MAGI2: variants seen among roughly 807,000 people sequenced by gnomAD.
MAGI2 encodes the protein membrane-associated guanylate kinase, WW and PDZ domain-containing protein 2.
In MAGI2, 35 loss-of-function variants were observed where a neutral mutation model predicts 133.3. That is an observed-to-expected ratio of 0.26 (90% CI 0.20 to 0.35). The LOEUF (loss-of-function observed/expected upper bound fraction) is 0.35. MAGI2 is among the 10% of genes least tolerant of loss of function. The pLI, the probability that MAGI2 is intolerant of heterozygous loss-of-function variation, is 1.00. For synonymous variants in MAGI2, 729 were observed against 710.6 expected, an observed-to-expected ratio of 1.03 and a Z score of -0.41; for missense variants, 1,636 against 1,863.4, an observed-to-expected ratio of 0.88 and a Z score of 2.25.
chr7:78,249,121 A>G lies in MAGI2; in HGVS notation c.2047+6822T>C, dbSNP rs146452055. Among the ~76,000 whole-genome samples, 808 of 152,292 alleles carry G rather than the reference A, an allele frequency of 5.3e-3. 8 individuals carry two copies. The highest frequency in any genetic ancestry group is 0.018 in the African/African-American group (755 of 41,586). On this transcript the variant is annotated intron_variant, in intron 10 of 21. Transcript: ENST00000354212. ...ACAGTTATATGAAAAATTGCTCACC[A>G]TCACTAATTATCAGGGAAATACAAA... is the stretch of plus-strand genomic sequence containing the variant.
At chr7:78,532,199 G>T (rs964680607) in intron 3 of MAGI2, among the ~76,000 whole-genome samples, 32 of 152,132 alleles carry the variant, frequency 2.1e-4, no homozygotes, top group Non-Finnish European at 4.4e-4. Flanking sequence ...CCAAAATTCT[G>T]TAATGAAAAA....
At chr7:79,043,634 C>A (rs181276858) in intron 1 of MAGI2, among the ~76,000 whole-genome samples, 1 of 149,138 alleles carries the variant, frequency 6.7e-6, no homozygotes, top group African/African-American at 2.5e-5. Context: ...AGAATAAGAT[C>A]GATAAACTGC....
intron 1 of MAGI2, among the ~76,000 whole-genome samples, chr7:79,419,904 T>G (rs888378590): frequency 6.6e-6 from 1 of 152,036 alleles, no homozygotes; most frequent in Admixed American, 6.6e-5. Context: ...AAATACATTA[T>G]TTTCCCCCTT....
rs150370975 is a variant in MAGI2, at chr7:78,029,653, G to A, written c.3707-9677C>T. ...GGCTCTAACAGAACAGTCTGCAAAC[G>A]ACTGCGTGTTGAAAACTACTGCGTG... is the stretch of plus-strand genomic sequence containing the variant. On this transcript the variant is annotated intron_variant, in intron 21 of 21. Transcript: ENST00000354212. Among the ~76,000 whole-genome samples, 909 of 152,334 alleles carry A rather than the reference G, an allele frequency of 6.0e-3. 10 individuals carry two copies. Among genetic ancestry groups the A allele is most frequent in the African/African-American group, 0.02 (851 of 41,574 alleles).
In MAGI2 at chr7:78,619,473, C is replaced by G. The variant is rs148728301; in HGVS notation, c.538+7647G>C. 5.7e-3 allele frequency among the ~76,000 whole-genome samples: 871 copies of G among 151,930 alleles called. 10 individuals are homozygous for G. The highest frequency in any genetic ancestry group is 0.016 in the Admixed American group (247 of 15,228). On this transcript the variant is annotated intron_variant, in intron 3 of 21. Coordinates refer to ENST00000354212, the MANE Select transcript of MAGI2 (RefSeq NM_012301.4). The stretch of plus-strand genomic sequence containing the variant: ...GTAGTTAAGGTGTCAGAGCAAGTCA[C>G]TTCATTTTCTGTGATATTAGTCTTT...
rs139021389 is a variant in MAGI2, at chr7:78,400,527, C to T, written c.1046-31314G>A. On this transcript the variant is annotated intron_variant, in intron 6 of 21. Coordinates refer to ENST00000354212, the MANE Select transcript of MAGI2 (RefSeq NM_012301.4). ...AAATTTAAAAAATGTATAATCAGAT[C>T]TTGTGTTTTTATTCACACAATTTTT... Among the ~76,000 whole-genome samples the T allele has an allele frequency of 1.6e-4, 25 of 152,170 alleles. 1 individual carries two copies. In the East Asian group the frequency reaches 4.8e-3, roughly 29 times the overall value.
chr7:79,255,156 C>T (rs560166031), intron 1 of MAGI2, among the ~76,000 whole-genome samples: 1 of 152,170 alleles, frequency 6.6e-6, no homozygotes, highest in African/African-American at 2.4e-5. Context: ...TACTTACTTA[C>T]AAACACCCAT....
chr7:78,996,000 A>G (rs1358983993), intron 2 of MAGI2, among the ~76,000 whole-genome samples: 1 of 152,184 alleles, frequency 6.6e-6, no homozygotes, highest in Non-Finnish European at 1.5e-5. Flanking sequence ...TAATATCTGA[A>G]GAATATTTCT....
At chr7:78,963,484 T>G (rs1803036926) in intron 2 of MAGI2, among the ~76,000 whole-genome samples, 1 of 152,086 alleles carries the variant, frequency 6.6e-6, no homozygotes, top group Non-Finnish European at 1.5e-5. Flanking sequence ...CACCATTTCT[T>G]TCTTTCATAT....
chr7:78,675,087 A>C (rs1814860568), intron 2 of MAGI2, among the ~76,000 whole-genome samples: 1 of 152,130 alleles, frequency 6.6e-6, no homozygotes, highest in African/African-American at 2.4e-5. Flanking sequence ...TCAGTAAGTA[A>C]ATGTGATATA....
rs1554443623 is a variant in MAGI2, at chr7:78,090,696, C to CA, written c.3568-11612dup. On this transcript the variant is annotated intron_variant, in intron 20 of 21. Coordinates refer to ENST00000354212, the MANE Select transcript of MAGI2 (RefSeq NM_012301.4). The stretch of plus-strand genomic sequence containing the variant: ...AATATTTGTTATAATATGAAGAAGG[C>CA]AAAAAAAATGTATTGAGGTAAAAAC... Among the ~76,000 whole-genome samples the CA allele has an allele frequency of 5.9e-5, 9 of 151,660 alleles. No individual in the cohort carries two copies. The East Asian group carries it at 9.7e-4, about 16-fold the overall frequency.
intron 2 of MAGI2, among the ~76,000 whole-genome samples, chr7:78,878,119 G>A (rs568653917): frequency 1.2e-3 from 188 of 152,242 alleles, no homozygotes; most frequent in Middle Eastern, 3.4e-3. Flanking sequence ...GATATAATTT[G>A]AAGTAAAGAC....
intron 3 of MAGI2, among the ~76,000 whole-genome samples, chr7:78,564,512 T>C (rs1468060172): frequency 1.3e-5 from 2 of 152,144 alleles, no homozygotes; most frequent in Non-Finnish European, 2.9e-5. Flanking sequence ...TTTGAAGTTA[T>C]TTGCAAGTAA....
intron 9 of MAGI2, among the ~76,000 whole-genome samples, chr7:78,284,445 CTTTTCT>C (rs1431866763): frequency 2.9e-3 from 334 of 113,370 alleles, no homozygotes; most frequent in African/African-American, 0.014. Context: ...GGGAGGTTTT[CTTTTCT>C]TTTTTTTTTT....
intron 7 of MAGI2, among the ~76,000 whole-genome samples, chr7:78,367,100 A>AACACACACACAC (rs6150177): frequency 0.24 from 34,658 of 146,604 alleles, 4,158 homozygotes; most frequent in Middle Eastern, 0.35. Flanking sequence ...AATGTAGGCA[A>AACACACACACAC]ACACACACAC....
intron 2 of MAGI2, among the ~76,000 whole-genome samples, chr7:78,995,637 T>C (rs1231045412): frequency 1.3e-5 from 2 of 152,272 alleles, no homozygotes; most frequent in Middle Eastern, 3.4e-3. Context: ...ACATCTTCTA[T>C]TACTGGAAAT....
At chr7:78,281,995 T>G (rs534724499) in intron 9 of MAGI2, among the ~76,000 whole-genome samples, 1 of 151,488 alleles carries the variant, frequency 6.6e-6, no homozygotes, top group Non-Finnish European at 1.5e-5. Flanking sequence ...GAATAAACTT[T>G]GAATGCTTGG....
In MAGI2 at chr7:78,671,550, C is replaced by T. The variant is rs116928708; in HGVS notation, c.419-44311G>A. 5.4e-4 allele frequency among the ~76,000 whole-genome samples: 82 copies of T among 152,168 alleles called. 3 individuals are homozygous for T. The East Asian group carries it at 0.015, about 27-fold the overall frequency. On this transcript the variant is annotated intron_variant, in intron 2 of 21. Transcript: ENST00000354212. ...GCAAAATTGGTTGATGTGAGCTTTG[C>T]TTCTTTTTTCGAGCCAGCCAGAGGG... is the stretch of plus-strand genomic sequence containing the variant.
intron 2 of MAGI2, among the ~76,000 whole-genome samples, chr7:78,675,015 C>T (rs889186971): frequency 2.0e-5 from 3 of 152,094 alleles, no homozygotes; most frequent in Non-Finnish European, 2.9e-5. Flanking sequence ...TAAACTGAAA[C>T]ACTGTTTATT....
Sources: allele counts gnomAD v4.1 joint callset (sites outside exome capture counted in the v4.1 genomes callset), GRCh38; gene constraint gnomAD v4.1.1; transcripts MANE v1.5; gene names NCBI Gene and HGNC (gene_info 2026-07-23, HGNC 2026-07-21).